Variants in ANTXR1 observed in about 807,000 individuals in gnomAD.
ANTXR1 encodes the protein ANTXR cell adhesion molecule 1, also known as anthrax toxin receptor 1.
A neutral mutation model predicts 78.1 loss-of-function variants in ANTXR1; 19 were observed. The ratio of observed to expected loss-of-function variants is 0.24; its 90% CI spans 0.17 to 0.36. The LOEUF (loss-of-function observed/expected upper bound fraction) is 0.36, where lower values mean the gene tolerates loss of function less well. Among genes scored for constraint, ANTXR1 ranks in the 10% least tolerant of loss-of-function variants. ANTXR1 has a pLI of 1.00. For missense variants in ANTXR1, 518 were observed against 718.6 expected (o/e 0.72, Z 3.19); for synonymous variants, 273 against 260.5 (o/e 1.05, Z -0.46).
At chr2:69,178,570 A>C (rs7560099) in intron 14 of ANTXR1, among the ~76,000 whole-genome samples, 2 of 139,944 alleles carry the variant, frequency 1.4e-5, no homozygotes, top group African/African-American at 6.6e-5. Flanking sequence ...GGGAGGGGCC[A>C]GGGGCAAGAG....
intron 3 of ANTXR1, among the ~76,000 whole-genome samples, chr2:69,062,512 T>TG (rs1670275156): frequency 1.3e-5 from 2 of 152,190 alleles, no homozygotes; most frequent in Middle Eastern, 3.4e-3. Context: ...TAACAAAAGG[T>TG]GCAGCCCAGC....
At chr2:69,039,669 G>T (rs1408609259) in intron 1 of ANTXR1, among the ~76,000 whole-genome samples, 2 of 152,124 alleles carry the variant, frequency 1.3e-5, no homozygotes, top group Admixed American at 1.3e-4. Flanking sequence ...AAATGGATTA[G>T]AACAGTTTTT....
At chr2:69,020,161 C>T (rs745711358) in intron 1 of ANTXR1, among the ~76,000 whole-genome samples, 62 of 152,090 alleles carry the variant, frequency 4.1e-4, no homozygotes, top group Non-Finnish European at 7.1e-4. Context: ...GCCACACTAT[C>T]TTTTACAATA....
chr2:69,036,093 A>G (rs1342181207), intron 1 of ANTXR1, among the ~76,000 whole-genome samples: 3 of 152,242 alleles, frequency 2.0e-5, no homozygotes, highest in African/African-American at 7.2e-5. Context: ...AGGAAATATT[A>G]ACACAAAAAG....
intron 8 of ANTXR1, among the ~76,000 whole-genome samples, chr2:69,084,326 A>C (rs1298576686): frequency 6.6e-6 from 1 of 152,188 alleles, no homozygotes; most frequent in Non-Finnish European, 1.5e-5. Context: ...TGTTTATCCT[A>C]CACTCCTTTG....
chr2:69,218,783 C>T (rs1472419605), intron 17 of ANTXR1, among the ~76,000 whole-genome samples: 1 of 152,196 alleles, frequency 6.6e-6, no homozygotes, highest in Non-Finnish European at 1.5e-5. Context: ...CTGTAACTTA[C>T]AGCATTAATA....
chr2:69,043,213 C>A (rs1438410324), intron 2 of ANTXR1, among the ~76,000 whole-genome samples: 1 of 152,166 alleles, frequency 6.6e-6, no homozygotes, highest in Admixed American at 6.5e-5. Context: ...GCCACTCCCC[C>A]ACTGTGTAAC....
intron 17 of ANTXR1, among the ~76,000 whole-genome samples, chr2:69,206,915 T>C (rs188528413): frequency 1.3e-5 from 2 of 152,238 alleles, no homozygotes; most frequent in Non-Finnish European, 2.9e-5. Context: ...GCAATTTGCA[T>C]CAAGTCAGAA....
intron 13 of ANTXR1, among the ~76,000 whole-genome samples, chr2:69,158,930 C>T (rs555984329): frequency 1.3e-5 from 2 of 152,272 alleles, no homozygotes; most frequent in South Asian, 4.1e-4. Flanking sequence ...AAACTAGTCA[C>T]AGAAACTAAT....
At chr2:69,169,543 T>C (rs1333189469) in intron 13 of ANTXR1, among the ~76,000 whole-genome samples, 1 of 152,230 alleles carries the variant, frequency 6.6e-6, no homozygotes, top group African/African-American at 2.4e-5. Context: ...GTCATCATTC[T>C]CTCATGGGTT....
intron 13 of ANTXR1, among the ~76,000 whole-genome samples, chr2:69,168,140 T>A (rs1673878311): frequency 6.6e-6 from 1 of 152,166 alleles, no homozygotes; most frequent in Non-Finnish European, 1.5e-5. Context: ...CCCCTTGGCA[T>A]CTCTGTCTGG....
intron 3 of ANTXR1, among the ~76,000 whole-genome samples, chr2:69,069,672 A>G (rs1670508168): frequency 6.6e-6 from 1 of 152,204 alleles, no homozygotes; most frequent in South Asian, 2.1e-4. Context: ...CCTGTAATGT[A>G]AGGACAGTAA....
At chr2:69,185,325 G>C (rs1674391125) in intron 16 of ANTXR1, among the ~76,000 whole-genome samples, 1 of 152,118 alleles carries the variant, frequency 6.6e-6, no homozygotes, top group Non-Finnish European at 1.5e-5. Flanking sequence ...TGGATCACAA[G>C]GTCAGGAGTT....
intron 16 of ANTXR1, among the ~76,000 whole-genome samples, chr2:69,192,513 T>TA (rs1377848088): frequency 1.3e-5 from 2 of 152,154 alleles, no homozygotes; most frequent in Non-Finnish European, 2.9e-5. Context: ...ATGGGTCTTC[T>TA]AGGAAGGACC....
At chr2:69,135,446 T>C (rs1242619074) in intron 12 of ANTXR1, among the ~76,000 whole-genome samples, 7 of 152,102 alleles carry the variant, frequency 4.6e-5, no homozygotes, top group Admixed American at 4.6e-4. Flanking sequence ...AAACTCAGAT[T>C]GACAGATTGT....
intron 12 of ANTXR1, chr2:69,146,363 A>T (rs1028788721): frequency 3.7e-5 from 36 of 985,198 alleles, no homozygotes; most frequent in Non-Finnish European, 4.3e-5. Flanking sequence ...TTGATTTTTT[A>T]AACTTTATTT....
rs548891397 is a variant in ANTXR1 at position 69,205,650 on chromosome 2, C to T, written c.1434+12235C>T. Among the ~76,000 whole-genome samples the T allele has an allele frequency of 4.0e-5, 6 of 148,742 alleles. No homozygotes were observed. The South Asian group carries it at 1.3e-3, about 31-fold the overall frequency. On this transcript the variant is annotated intron_variant, in intron 17 of 17. Coordinates refer to ENST00000303714, the MANE Select transcript of ANTXR1 (RefSeq NM_032208.3). ...CTGAGGACCTAGCTCAATTTGTTTC[C>T]TTGTCCCAGGGAGTATGGTTTTTTT...
At chr2:69,204,854 C>T (rs1209038819) in intron 17 of ANTXR1, among the ~76,000 whole-genome samples, 1 of 152,198 alleles carries the variant, frequency 6.6e-6, no homozygotes, top group East Asian at 1.9e-4. Flanking sequence ...CATGGGGCTG[C>T]TCTCCTGCAC....
intron 17 of ANTXR1, among the ~76,000 whole-genome samples, chr2:69,234,350 A>G (rs1675699551): frequency 6.6e-6 from 1 of 152,248 alleles, no homozygotes; most frequent in African/African-American, 2.4e-5. Flanking sequence ...GGTATTTCTA[A>G]GTTAGCACAA....
Sources: gnomAD v4.1 joint callset for allele counts (sites outside exome capture counted in the v4.1 genomes callset) on GRCh38, gnomAD v4.1.1 for gene constraint, MANE v1.5 for transcripts, NCBI Gene and HGNC (gene_info 2026-07-23, HGNC 2026-07-21) for gene names.